Variants in MPDZ observed in about 807,000 individuals in gnomAD.
MPDZ encodes multiple PDZ domain crumbs cell polarity complex component.
MPDZ carries 234 observed loss-of-function variants against 239.1 expected under a neutral mutation model. That is an observed-to-expected ratio of 0.98 (90% CI 0.88 to 1.09). The LOEUF (loss-of-function observed/expected upper bound fraction) is 1.09, where lower values mean the gene tolerates loss of function less well. Among genes scored for constraint, MPDZ ranks in the 50% least tolerant of loss-of-function variants. MPDZ has a pLI of 0.00. For missense variants in MPDZ, 3,175 were observed against 2,510.0 expected, an observed-to-expected ratio of 1.26 and a Z score of -5.66; for synonymous variants, 1,048 against 881.3, an observed-to-expected ratio of 1.19 and a Z score of -3.35.
intron 24 of MPDZ, among the ~76,000 whole-genome samples, chr9:13,153,691 A>C (rs1310876208): frequency 2.0e-5 from 3 of 152,146 alleles, no homozygotes; most frequent in Non-Finnish European, 2.9e-5. Context: ...TGAGTTAGTA[A>C]GTTTAGCCAT....
rs1359667725 is a variant in MPDZ, at chr9:13,224,515, C to G, written c.252G>C (p.Val84=). The change falls in exon 4 of 47, where the codon GTG becomes GTC. Residue 84 remains valine, a synonymous_variant. Coordinates refer to ENST00000319217, the MANE Select transcript of MPDZ (RefSeq NM_001378778.1). ...ACGATTCATTTTGCAGAGTAGGAAT[C>G]ACAGCTGGGCTGAGATGAGGAACGT... ...YAHVPHLSPA[V]IPTLQNESFL... is the part of the protein sequence containing the mutation. 5.0e-6 allele frequency: 8 copies of G among 1,612,630 alleles called. No homozygotes were observed. In the East Asian group the frequency reaches 1.1e-4, roughly 23 times the overall value.
intron 10 of MPDZ, among the ~76,000 whole-genome samples, chr9:13,208,361 T>G (rs975993695): frequency 6.6e-6 from 1 of 151,940 alleles, no homozygotes; most frequent in Non-Finnish European, 1.5e-5. Flanking sequence ...AGAGGATCAC[T>G]TAAGCCCAGA....
intron 1 of MPDZ, among the ~76,000 whole-genome samples, chr9:13,259,330 T>C (rs1356238051): frequency 6.6e-6 from 1 of 151,720 alleles, no homozygotes; most frequent in East Asian, 2.0e-4. Context: ...CAAGAGTCTG[T>C]CTCGGAAAAC....
chr9:13,277,298 C>A (rs557655280), intron 1 of MPDZ, among the ~76,000 whole-genome samples: 2 of 151,604 alleles, frequency 1.3e-5, no homozygotes, highest in Non-Finnish European at 2.9e-5. Context: ...AAAGAATAAA[C>A]ACAGAAAGGA....
intron 21 of MPDZ, 85 bp from the exon 22 acceptor site, chr9:13,168,649 A>G: frequency 9.3e-7 from 1 of 1,072,898 alleles, no homozygotes; most frequent in Non-Finnish European, 1.3e-6. Flanking sequence ...TCTATGATTT[A>G]TAGATTAAAA....
At chr9:13,123,568 G>C (rs1944683207) in intron 35 of MPDZ, among the ~76,000 whole-genome samples, 2 of 152,074 alleles carry the variant, frequency 1.3e-5, no homozygotes, top group Admixed American at 6.5e-5. Flanking sequence ...TTTTAAATTG[G>C]TAGAGATATA....
At chr9:13,278,801 C>A (rs550584972) in intron 1 of MPDZ, among the ~76,000 whole-genome samples, 12 of 152,096 alleles carry the variant, frequency 7.9e-5, no homozygotes, top group Non-Finnish European at 1.5e-5. Context: ...AAGGCGAGAA[C>A]GCAGGACCAG....
chr9:13,112,265 A>C, intron 42 of MPDZ, 119 bp from the exon 43 acceptor site: 1 of 1,011,082 alleles, frequency 9.9e-7, no homozygotes. Context: ...GGGGAAAATG[A>C]AGAAGTGCAA....
intron 36 of MPDZ, among the ~76,000 whole-genome samples, chr9:13,122,448 C>A (rs913456960): frequency 6.6e-6 from 1 of 151,620 alleles, no homozygotes; most frequent in African/African-American, 2.4e-5. Flanking sequence ...ACTTTCTTAT[C>A]CATAAATGAA....
intron 22 of MPDZ, among the ~76,000 whole-genome samples, chr9:13,163,648 G>A (rs537517668): frequency 2.6e-5 from 4 of 152,192 alleles, no homozygotes; most frequent in East Asian, 3.9e-4. Context: ...AGTAACATAA[G>A]AGAAATACTG....
At chr9:13,234,318 ACTT>A (rs1963360475) in intron 3 of MPDZ, among the ~76,000 whole-genome samples, 1 of 152,108 alleles carries the variant, frequency 6.6e-6, no homozygotes, top group Non-Finnish European at 1.5e-5. Flanking sequence ...TTAAAATATC[ACTT>A]CTTATATTTC....
intron 1 of MPDZ, among the ~76,000 whole-genome samples, chr9:13,255,893 G>A (rs1360331053): frequency 6.6e-6 from 1 of 152,184 alleles, no homozygotes; most frequent in Non-Finnish European, 1.5e-5. Context: ...CTCTTAATGA[G>A]AGAGCCTCTT....
At chr9:13,190,026 C>A in intron 16 of MPDZ, 88 bp downstream of exon 16, 1 of 1,190,072 alleles carries the variant, frequency 8.4e-7, no homozygotes, top group Non-Finnish European at 1.2e-6. Context: ...AAGAAAACAT[C>A]TTTGATGGTT....
intron 3 of MPDZ, among the ~76,000 whole-genome samples, chr9:13,234,629 G>A (rs1963453799): frequency 6.6e-6 from 1 of 152,014 alleles, no homozygotes; most frequent in Non-Finnish European, 1.5e-5. Flanking sequence ...CTTAAATTAG[G>A]TTAGTAAGAA....
intron 30 of MPDZ, among the ~76,000 whole-genome samples, chr9:13,136,488 C>G (rs182399468): frequency 6.6e-6 from 1 of 151,526 alleles, no homozygotes; most frequent in East Asian, 1.9e-4. Context: ...CGTGCCACCA[C>G]GCCCGGCTAA....
intron 3 of MPDZ, among the ~76,000 whole-genome samples, chr9:13,239,193 C>A (rs913819935): frequency 6.6e-6 from 1 of 152,140 alleles, no homozygotes; most frequent in African/African-American, 2.4e-5. Flanking sequence ...CACGCTGCCA[C>A]AATCTGAGAT....
chr9:13,230,970 GA>G (rs1168006313), intron 3 of MPDZ, among the ~76,000 whole-genome samples: 5 of 151,908 alleles, frequency 3.3e-5, no homozygotes, highest in Admixed American at 6.6e-5. Flanking sequence ...AAATAAAACA[GA>G]AAACCAAATC....
At chr9:13,239,800 C>A (rs1357166548) in intron 3 of MPDZ, among the ~76,000 whole-genome samples, 1 of 152,078 alleles carries the variant, frequency 6.6e-6, no homozygotes, top group Non-Finnish European at 1.5e-5. Flanking sequence ...ACAATTAATT[C>A]TAAGGCTCCT....
intron 25 of MPDZ, among the ~76,000 whole-genome samples, chr9:13,148,586 T>G (rs971566060): frequency 1.3e-5 from 2 of 152,044 alleles, no homozygotes; most frequent in Non-Finnish European, 2.9e-5. Context: ...TCAGTGCATA[T>G]TAAAATAGCT....
Sources: allele counts gnomAD v4.1 joint callset (sites outside exome capture counted in the v4.1 genomes callset), GRCh38; gene constraint gnomAD v4.1.1; transcripts MANE v1.5; gene names NCBI Gene and HGNC (gene_info 2026-07-23, HGNC 2026-07-21).